The following CD8B variants were observed in gnomAD, a reference collection of about 807,000 sequenced individuals.
The protein encoded by CD8B is CD8 subunit beta, also known as T-cell surface glycoprotein CD8 beta chain.
Under a neutral mutation model 24.2 loss-of-function variants are expected in CD8B, and 6 were observed. That is an observed-to-expected ratio of 0.25 (90% CI 0.14 to 0.49). The LOEUF is 0.49. Among genes scored for constraint, CD8B ranks in the 20% least tolerant of loss-of-function variants. CD8B has a pLI of 0.98. For synonymous variants in CD8B, 84 were observed against 108.3 expected (o/e 0.78, Z 1.39); for missense variants, 196 against 271.3 (o/e 0.72, Z 1.95).
chr2:86,833,945 G>A (rs114850461), downstream of CD8B, among the ~76,000 whole-genome samples: 338 of 152,000 alleles, frequency 2.2e-3, no homozygotes, highest in African/African-American at 7.3e-3. Context: ...CACCGTGCCC[G>A]GCCAAATCAT....
chr2:86,829,897 G>T (rs1674840952), intron 5 of CD8B, among the ~76,000 whole-genome samples: 1 of 152,028 alleles, frequency 6.6e-6, no homozygotes, highest in South Asian at 2.1e-4. Flanking sequence ...CCGAGAGCTG[G>T]GTTCATAGAA....
chr2:86,844,498 C>T (rs992740734), intron 5 of CD8B: 140 of 507,530 alleles, frequency 2.8e-4, no homozygotes, highest in Non-Finnish European at 2.7e-4. Context: ...GGATACTCTG[C>T]GGTATTCTGT....
At chr2:86,857,988 G>A in intron 2 of CD8B, 69 bp downstream of exon 2, 4 of 1,512,608 alleles carry the variant, frequency 2.6e-6, no homozygotes, top group Non-Finnish European at 3.6e-6. Flanking sequence ...GAAGCCTGGT[G>A]GTCCCAGTGC....
intron 5 of CD8B, among the ~76,000 whole-genome samples, chr2:86,818,414 A>G (rs1674341469): frequency 6.6e-6 from 1 of 152,112 alleles, no homozygotes; most frequent in African/African-American, 2.4e-5. Flanking sequence ...GCCTGGAGCA[A>G]ATCTATCAAT....
At chr2:86,817,033 G>A (rs1442964560) in intron 5 of CD8B, among the ~76,000 whole-genome samples, 2 of 152,174 alleles carry the variant, frequency 1.3e-5, no homozygotes, top group Non-Finnish European at 2.9e-5. Flanking sequence ...GGCAAAGTAC[G>A]TGACCAAGCC....
At chr2:86,842,433 G>A in intron 5 of CD8B, 114 bp from the exon 6 acceptor site, 2 of 1,388,258 alleles carry the variant, frequency 1.4e-6, no homozygotes, top group South Asian at 3.0e-5. Flanking sequence ...AAGTAGCCTG[G>A]GGCCGAGAGT....
chr2:86,848,883 A>C (rs1019161460), intron 3 of CD8B, among the ~76,000 whole-genome samples: 3 of 152,054 alleles, frequency 2.0e-5, no homozygotes, highest in Admixed American at 6.6e-5. Context: ...CACCTGGCTG[A>C]TTTTTGTGTT....
Position 86,842,127 on chromosome 2 carries a change from C to T in CD8B, c.*180G>A, listed in dbSNP as rs939376031. 54 of 1,436,158 alleles carry T rather than the reference C, an allele frequency of 3.8e-5. No homozygotes were observed. In the South Asian group the frequency reaches 6.4e-4, roughly 17 times the overall value. The allele number at this position is 1,436,158 out of a possible 1,614,324, so 89.0% of individuals were successfully genotyped here. A position where few individuals can be genotyped will look rare whatever the true frequency, so the allele number is the denominator to read the frequency against. On this transcript the variant is annotated 3_prime_UTR_variant, in exon 6 of 6. Transcript: ENST00000390655. ...TCTCCCTAGTATTCCCGATGACCCA[C>T]GAACAAGTTGCTCCCATGCACATCA...
At chr2:86,830,499 A>G (rs113518675) in intron 5 of CD8B, among the ~76,000 whole-genome samples, 52,555 of 151,516 alleles carry the variant, frequency 0.35, 9,627 homozygotes, top group African/African-American at 0.45. Context: ...CCTGGCAGGC[A>G]GAAGTTGCAG....
intron 2 of CD8B, among the ~76,000 whole-genome samples, chr2:86,854,123 A>G (rs1676113937): frequency 6.6e-6 from 1 of 152,160 alleles, no homozygotes; most frequent in Non-Finnish European, 1.5e-5. Context: ...ATCTGCTGAA[A>G]TAATGATAAC....
At chr2:86,831,388 A>G (rs1674900550) in intron 5 of CD8B, among the ~76,000 whole-genome samples, 1 of 152,168 alleles carries the variant, frequency 6.6e-6, no homozygotes, top group Non-Finnish European at 1.5e-5. Flanking sequence ...TTCTTTCCCC[A>G]TGTATGTGAC....
rs567412420 is a variant in CD8B at position 86,844,845 on chromosome 2, C to T, written c.620+77G>A. The T allele has an allele frequency of 3.9e-6, 6 of 1,551,592 alleles. No homozygotes were observed. The African/African-American group carries it at 8.2e-5, about 21-fold the overall frequency. Reference sequence around the variant, plus strand: ...TTTGGAAGATGAGGTCTGACTTTGGCTCCTCGCTGCAGTTAGAGGCTGCAA... The same window carrying T: ...TTTGGAAGATGAGGTCTGACTTTGGTTCCTCGCTGCAGTTAGAGGCTGCAA... On this transcript the variant is annotated intron_variant, in intron 5 of 5. Transcript: ENST00000390655.
intron 5 of CD8B, among the ~76,000 whole-genome samples, chr2:86,828,923 ACT>A (rs1392834514): frequency 2.3e-5 from 3 of 132,710 alleles, no homozygotes; most frequent in Non-Finnish European, 3.3e-5. Flanking sequence ...ATACATACAC[ACT>A]CTTTTTTTTT....
intron 3 of CD8B, among the ~76,000 whole-genome samples, chr2:86,849,925 A>G (rs574311852): frequency 6.6e-6 from 1 of 152,256 alleles, no homozygotes; most frequent in East Asian, 1.9e-4. Flanking sequence ...GCTGGTCTCG[A>G]ACTCCTGACC....
chr2:86,825,990 G>A (rs1301923841), intron 5 of CD8B, among the ~76,000 whole-genome samples: 1 of 152,088 alleles, frequency 6.6e-6, no homozygotes, highest in Non-Finnish European at 1.5e-5. Context: ...GCTCTCGGGG[G>A]GAAAACATCC....
intron 5 of CD8B, among the ~76,000 whole-genome samples, chr2:86,829,140 C>T (rs1362292754): frequency 1.7e-5 from 2 of 118,990 alleles, no homozygotes; most frequent in Non-Finnish European, 3.3e-5. Flanking sequence ...TGCTCTGTTG[C>T]CCAGGCTGGA....
intron 5 of CD8B, among the ~76,000 whole-genome samples, chr2:86,817,669 A>G (rs1000196443): frequency 1.3e-5 from 2 of 152,218 alleles, no homozygotes; most frequent in African/African-American, 4.8e-5. Context: ...ACAAATTTCA[A>G]GATAGGGTAT....
downstream of CD8B, among the ~76,000 whole-genome samples, chr2:86,835,706 G>A (rs1035000283): frequency 6.6e-5 from 10 of 150,536 alleles, no homozygotes; most frequent in African/African-American, 2.4e-4. Flanking sequence ...TCGTAACTTT[G>A]CCCTCACCCA....
chr2:86,848,147 A>T (rs1388339055), intron 3 of CD8B, among the ~76,000 whole-genome samples: 2 of 152,194 alleles, frequency 1.3e-5, no homozygotes. Context: ...TGAGAACGGG[A>T]ACTACTAAAC....
Sources: allele counts gnomAD v4.1 joint callset (sites outside exome capture counted in the v4.1 genomes callset), GRCh38; gene constraint gnomAD v4.1.1; transcripts MANE v1.5; gene names NCBI Gene and HGNC (gene_info 2026-07-23, HGNC 2026-07-21).